Variants in OPCML observed in about 807,000 individuals in gnomAD.
OPCML encodes opioid-binding protein/cell adhesion molecule.
A neutral mutation model predicts 37.8 loss-of-function variants in OPCML; 13 were observed. That is an observed-to-expected ratio of 0.34 (90% CI 0.22 to 0.55). The LOEUF is 0.55. Ranked by LOEUF, OPCML falls within the 20% of genes least tolerant of loss-of-function variation. OPCML has a pLI of 0.91. For missense variants in OPCML, 341 were observed against 435.6 expected (o/e 0.78, Z 1.93); for synonymous variants, 176 against 168.8 (o/e 1.04, Z -0.33).
intron 2 of OPCML, among the ~76,000 whole-genome samples, chr11:132,867,642 G>T (rs897509292): frequency 2.2e-4 from 33 of 152,182 alleles, no homozygotes; most frequent in Non-Finnish European, 4.4e-5. Context: ...AAGCGGGGAT[G>T]AGAGACCCAA....
At chr11:133,037,037 C>T (rs1947795717) in intron 1 of OPCML, among the ~76,000 whole-genome samples, 1 of 152,172 alleles carries the variant, frequency 6.6e-6, no homozygotes, top group African/African-American at 2.4e-5. Context: ...TGACAAAGGG[C>T]TCTGCCTGAC....
chr11:132,762,362 C>T (rs1291938254), intron 2 of OPCML, among the ~76,000 whole-genome samples: 1 of 152,226 alleles, frequency 6.6e-6, no homozygotes, highest in Non-Finnish European at 1.5e-5. Context: ...CGCCTCTCTC[C>T]TCAGACCTGG....
chr11:132,431,773 G>A (rs146260510), intron 7 of OPCML, among the ~76,000 whole-genome samples: 4 of 152,308 alleles, frequency 2.6e-5, no homozygotes, highest in East Asian at 1.9e-4. Context: ...AGAGAGGCAC[G>A]CTGTGAAGGG....
At chr11:133,012,072 G>C (rs1357241345) in intron 1 of OPCML, among the ~76,000 whole-genome samples, 5 of 152,132 alleles carry the variant, frequency 3.3e-5, no homozygotes, top group Non-Finnish European at 7.3e-5. Context: ...CTCTACTGGG[G>C]ACAATTTTAC....
At chr11:133,530,552 C>G (rs575891357) in intron 1 of OPCML, among the ~76,000 whole-genome samples, 1 of 152,330 alleles carries the variant, frequency 6.6e-6, no homozygotes, top group African/African-American at 2.4e-5. Context: ...AGTGCACCCA[C>G]CTAGCTCCCT....
chr11:132,540,840 A>C (rs2096354617), intron 3 of OPCML, among the ~76,000 whole-genome samples: 1 of 152,214 alleles, frequency 6.6e-6, no homozygotes, highest in African/African-American at 2.4e-5. Flanking sequence ...TGCACAATTC[A>C]GACAACTGAC....
intron 1 of OPCML, among the ~76,000 whole-genome samples, chr11:133,088,002 T>C (rs749824422): frequency 3.9e-5 from 6 of 152,140 alleles, no homozygotes; most frequent in African/African-American, 1.4e-4. Flanking sequence ...ATAAAATAAA[T>C]ATATGAGAAA....
intron 1 of OPCML, among the ~76,000 whole-genome samples, chr11:133,435,441 T>C (rs930304742): frequency 2.6e-5 from 4 of 152,218 alleles, no homozygotes; most frequent in Admixed American, 6.5e-5. Context: ...ATGTTGCTTT[T>C]CCACATTTTG....
intron 2 of OPCML, among the ~76,000 whole-genome samples, chr11:132,904,113 G>T (rs1203354664): frequency 1.3e-5 from 2 of 152,184 alleles, no homozygotes; most frequent in African/African-American, 4.8e-5. Context: ...TGGGGGAAAA[G>T]GGGAGAGGAG....
chr11:132,654,803 G>A (rs552223898), intron 3 of OPCML, among the ~76,000 whole-genome samples: 2 of 151,606 alleles, frequency 1.3e-5, no homozygotes, highest in Admixed American at 1.3e-4. Context: ...TCTTCCCCAA[G>A]AGAAGCTCCT....
At chr11:132,572,995 A>G (rs1238509679) in intron 3 of OPCML, among the ~76,000 whole-genome samples, 1 of 151,776 alleles carries the variant, frequency 6.6e-6, no homozygotes, top group African/African-American at 2.4e-5. Context: ...CAAGTATTTC[A>G]ATTTTTTGAT....
At chr11:133,469,877 G>A (rs1159930541) in intron 1 of OPCML, among the ~76,000 whole-genome samples, 1 of 152,166 alleles carries the variant, frequency 6.6e-6, no homozygotes, top group Non-Finnish European at 1.5e-5. Flanking sequence ...CATTCTTAAA[G>A]AGGCTTTCAA....
At chr11:133,136,149 A>G (rs1949686035) in intron 1 of OPCML, among the ~76,000 whole-genome samples, 1 of 152,216 alleles carries the variant, frequency 6.6e-6, no homozygotes, top group Non-Finnish European at 1.5e-5. Flanking sequence ...GACACCTAAG[A>G]AAAATTAATA....
intron 3 of OPCML, among the ~76,000 whole-genome samples, chr11:132,613,068 G>T (rs894515211): frequency 1.2e-4 from 19 of 152,208 alleles, no homozygotes; most frequent in Admixed American, 4.6e-4. Flanking sequence ...CAGATGAAAA[G>T]AAACTGGAGA....
At chr11:133,166,678 C>A (rs1950213069) in intron 1 of OPCML, among the ~76,000 whole-genome samples, 1 of 152,196 alleles carries the variant, frequency 6.6e-6, no homozygotes, top group African/African-American at 2.4e-5. Context: ...CCGGACCGTG[C>A]TCCTCATCAG....
intron 2 of OPCML, among the ~76,000 whole-genome samples, chr11:132,707,815 A>T (rs1206962738): frequency 1.3e-5 from 2 of 152,222 alleles, no homozygotes; most frequent in Non-Finnish European, 2.9e-5. Flanking sequence ...ACTCTTTAAG[A>T]GTAATATCAA....
chr11:132,549,175 C>T lies in OPCML; in HGVS notation c.380-19989G>A, dbSNP rs113888401. On this transcript the variant is annotated intron_variant, in intron 3 of 7. Transcript: ENST00000524381. ...CCAAAACTCACCAAAACCAAGATGG[C>T]GAAGAAAGTGACCTCTGGTCACCCT... 3.4e-3 allele frequency among the ~76,000 whole-genome samples: 515 copies of T among 152,280 alleles called. 1 individual carries two copies. The highest frequency in any genetic ancestry group is 5.9e-3 in the Non-Finnish European group (404 of 68,022).
chr11:133,308,392 A>T (rs1942980789), intron 1 of OPCML, among the ~76,000 whole-genome samples: 1 of 152,220 alleles, frequency 6.6e-6, no homozygotes, highest in African/African-American at 2.4e-5. Context: ...GAAAGAAATT[A>T]TAGATAATCA....
At chr11:132,557,231 C>G (rs557020025) in intron 3 of OPCML, among the ~76,000 whole-genome samples, 2 of 152,262 alleles carry the variant, frequency 1.3e-5, no homozygotes, top group African/African-American at 4.8e-5. Context: ...AGCCAGAAAC[C>G]AATTTAGATT....
Sources: allele counts gnomAD v4.1 joint callset (sites outside exome capture counted in the v4.1 genomes callset), GRCh38; gene constraint gnomAD v4.1.1; transcripts MANE v1.5; gene names NCBI Gene and HGNC (gene_info 2026-07-23, HGNC 2026-07-21).